RUNX1: variants seen among roughly 807,000 people sequenced by gnomAD.
The protein encoded by RUNX1 is RUNX family transcription factor 1, also known as runt-related transcription factor 1.
RUNX1 carries 19 observed loss-of-function variants against 42.8 expected under a neutral mutation model. The observed-to-expected ratio is 0.44, with a 90% CI of 0.31 to 0.65. The LOEUF is 0.65. RUNX1 is among the 30% of genes least tolerant of loss of function. The pLI, the probability that RUNX1 is intolerant of heterozygous loss-of-function variation, is 0.07. For missense variants in RUNX1, 528 were observed against 672.0 expected (o/e 0.79, Z 2.37); for synonymous variants, 271 against 289.4 (o/e 0.94, Z 0.64).
At chr21:34,808,520 C>T (rs2056714568) in intron 7 of RUNX1, among the ~76,000 whole-genome samples, 1 of 152,142 alleles carries the variant, frequency 6.6e-6, no homozygotes, top group African/African-American at 2.4e-5. Context: ...CATCAGGCCG[C>T]CCCCAACCCT....
At chr21:34,986,775 C>T (rs965251249) in intron 2 of RUNX1, among the ~76,000 whole-genome samples, 4 of 151,992 alleles carry the variant, frequency 2.6e-5, no homozygotes, top group African/African-American at 9.7e-5. Context: ...AGAGGGAGCA[C>T]AGAAATGCCA....
At chr21:34,964,722 T>C (rs2058706272) in intron 2 of RUNX1, among the ~76,000 whole-genome samples, 1 of 152,144 alleles carries the variant, frequency 6.6e-6, no homozygotes, top group African/African-American at 2.4e-5. Flanking sequence ...TCTGATCCAG[T>C]GTCTGCCACA....
At chr21:34,989,402 T>C (rs1026305543) in intron 2 of RUNX1, among the ~76,000 whole-genome samples, 3 of 151,978 alleles carry the variant, frequency 2.0e-5, no homozygotes, top group African/African-American at 4.8e-5. Context: ...TAGTTTTACC[T>C]TTCTAGGAGA....
At chr21:34,826,114 T>C (rs191427240) in intron 7 of RUNX1, among the ~76,000 whole-genome samples, 13 of 152,350 alleles carry the variant, frequency 8.5e-5, no homozygotes, top group African/African-American at 3.1e-4. Flanking sequence ...ACTTGTGCTG[T>C]GGTTTGATTA....
intron 2 of RUNX1, among the ~76,000 whole-genome samples, chr21:34,904,223 G>C (rs1178312539): frequency 6.6e-6 from 1 of 152,034 alleles, no homozygotes; most frequent in Non-Finnish European, 1.5e-5. Context: ...GGCAAATTTT[G>C]CTAGAATTTT....
chr21:34,951,801 T>C (rs373833998), intron 2 of RUNX1, among the ~76,000 whole-genome samples: 1 of 152,170 alleles, frequency 6.6e-6, no homozygotes, highest in East Asian at 1.9e-4. Flanking sequence ...AGTTAAACCA[T>C]TGTGGAAGAC....
intron 2 of RUNX1, among the ~76,000 whole-genome samples, chr21:34,991,070 G>A (rs1000339155): frequency 8.4e-4 from 128 of 152,314 alleles, no homozygotes; most frequent in African/African-American, 2.8e-3. Flanking sequence ...GGGGGTTAGA[G>A]AATCACTGAT....
Position 34,899,397 on chromosome 21 carries a change from T to C in RUNX1, c.59-6434A>G, listed in dbSNP as rs562331897. On this transcript the variant is annotated intron_variant, in intron 2 of 8. Coordinates refer to ENST00000675419, the MANE Select transcript of RUNX1 (RefSeq NM_001754.5). Reference sequence around the variant, plus strand: ...AATGCTCTTATAAGAAAAGACCAGATTGATCTCTCTCTCTCTCTTTCTCTC... The same window carrying C: ...AATGCTCTTATAAGAAAAGACCAGACTGATCTCTCTCTCTCTCTTTCTCTC... 5.9e-5 allele frequency among the ~76,000 whole-genome samples: 9 copies of C among 152,096 alleles called. 1 individual carries two copies. The highest frequency in any genetic ancestry group is 1.3e-4 in the Non-Finnish European group (9 of 68,024).
chr21:34,959,928 G>A (rs1031029884), intron 2 of RUNX1, among the ~76,000 whole-genome samples: 6 of 152,162 alleles, frequency 3.9e-5, no homozygotes, highest in African/African-American at 1.4e-4. Context: ...GGGGCTACCT[G>A]GATGAGGAGG....
intron 7 of RUNX1, among the ~76,000 whole-genome samples, chr21:34,828,615 G>T (rs1363497091): frequency 6.6e-6 from 1 of 152,184 alleles, no homozygotes; most frequent in Admixed American, 6.5e-5. Flanking sequence ...TTCATATGTT[G>T]GAAACCTGGT....
At chr21:34,999,082 G>A (rs1003537163) in intron 2 of RUNX1, among the ~76,000 whole-genome samples, 2 of 152,216 alleles carry the variant, frequency 1.3e-5, no homozygotes, top group African/African-American at 4.8e-5. Context: ...AGCACTGGAA[G>A]CCCTGAATTC....
chr21:34,896,068 C>T (rs1039584330), intron 2 of RUNX1, among the ~76,000 whole-genome samples: 1 of 151,796 alleles, frequency 6.6e-6, no homozygotes, highest in African/African-American at 2.4e-5. Context: ...CCAGAAACAG[C>T]GGGTTTACAG....
intron 2 of RUNX1, among the ~76,000 whole-genome samples, chr21:35,047,478 C>CTTCTGT: frequency 7.0e-6 from 1 of 142,830 alleles, no homozygotes; most frequent in African/African-American, 2.6e-5. Flanking sequence ...GACTTGTTTT[C>CTTCTGT]TTCTCTTTCT....
intron 5 of RUNX1, among the ~76,000 whole-genome samples, chr21:34,865,274 TTGTGCG>T (rs1307661793): frequency 1.6e-5 from 2 of 128,106 alleles, no homozygotes; most frequent in African/African-American, 2.9e-5. Flanking sequence ...AGGAGGGGTT[TTGTGCG>T]TGTGTGTGTG....
At chr21:34,941,692 A>G (rs2058527884) in intron 2 of RUNX1, among the ~76,000 whole-genome samples, 1 of 152,218 alleles carries the variant, frequency 6.6e-6, no homozygotes, top group African/African-American at 2.4e-5. Context: ...ATTCTTTTTG[A>G]AGGTGATTTT....
At chr21:35,002,426 A>T (rs201089022) in intron 2 of RUNX1, among the ~76,000 whole-genome samples, 1,728 of 129,136 alleles carry the variant, frequency 0.013, 14 homozygotes, top group Non-Finnish European at 0.021. Context: ...TTATTTATTT[A>T]TTATTTATTT....
intron 2 of RUNX1, among the ~76,000 whole-genome samples, chr21:35,009,140 C>CTTTT (rs2059106794): frequency 3.9e-5 from 6 of 152,164 alleles, no homozygotes; most frequent in Non-Finnish European, 8.8e-5. Flanking sequence ...TGTGCCAACT[C>CTTTT]CACTGCACTT....
In RUNX1 at chr21:34,888,566, A is replaced by G. The variant is rs187207589; in HGVS notation, c.98-1470T>C. 2.6e-4 allele frequency: 276 copies of G among 1,062,664 alleles called. 1 individual carries two copies. In the South Asian group the frequency reaches 6.8e-3, roughly 26 times the overall value. The allele number at this position is 1,062,664 out of a possible 1,614,324, so 65.8% of individuals were successfully genotyped here. ...GGCCAAGGAGAAGCAGCAGAGGTTG[A>G]CTTCCTTCTGGCGTCCCTAGGAGCC... On this transcript the variant is annotated intron_variant, in intron 3 of 8. Coordinates refer to ENST00000675419, the MANE Select transcript of RUNX1 (RefSeq NM_001754.5).
chr21:35,020,416 T>C (rs575018573), intron 2 of RUNX1, among the ~76,000 whole-genome samples: 10 of 152,126 alleles, frequency 6.6e-5, no homozygotes, highest in Non-Finnish European at 1.3e-4. Flanking sequence ...TGAAGACAGA[T>C]GTAATTAGTT....
Sources: allele counts gnomAD v4.1 joint callset (sites outside exome capture counted in the v4.1 genomes callset), GRCh38; gene constraint gnomAD v4.1.1; transcripts MANE v1.5; gene names NCBI Gene and HGNC (gene_info 2026-07-23, HGNC 2026-07-21).